Variants in ITGA6 observed in about 807,000 individuals in gnomAD.
ITGA6 encodes integrin subunit alpha 6.
Under a neutral mutation model 133.6 loss-of-function variants are expected in ITGA6, and 63 were observed. That is an observed-to-expected ratio of 0.47 (90% CI 0.38 to 0.58). The LOEUF (loss-of-function observed/expected upper bound fraction) is 0.58. Among genes scored for constraint, ITGA6 ranks in the 20% least tolerant of loss-of-function variants. The probability of loss-of-function intolerance (pLI) is 0.00; values close to 1 mark genes in which losing one functional copy is unlikely to be tolerated. For missense variants in ITGA6, 1,068 were observed against 1,309.4 expected (o/e 0.82, Z 2.85); for synonymous variants, 434 against 482.0 (o/e 0.90, Z 1.30).
intron 5 of ITGA6, chr2:172,472,771 C>T: frequency 6.3e-7 from 1 of 1,590,854 alleles, no homozygotes; most frequent in Non-Finnish European, 8.6e-7. Flanking sequence ...TGCATGCGTA[C>T]AGGCCTGCTG....
At chr2:172,473,770 T>C (rs1686044927) in intron 5 of ITGA6, among the ~76,000 whole-genome samples, 1 of 152,224 alleles carries the variant, frequency 6.6e-6, no homozygotes, top group African/African-American at 2.4e-5. Context: ...GGGTGGAAAT[T>C]GATTCTTAAG....
chr2:172,440,230 T>C (rs1684485190), intron 1 of ITGA6, among the ~76,000 whole-genome samples: 1 of 152,224 alleles, frequency 6.6e-6, no homozygotes, highest in African/African-American at 2.4e-5. Flanking sequence ...GGCTGACATC[T>C]TGTTCAGTTT....
At chr2:172,436,189 CT>C (rs990860416) in intron 1 of ITGA6, among the ~76,000 whole-genome samples, 10 of 152,124 alleles carry the variant, frequency 6.6e-5, no homozygotes, top group African/African-American at 2.4e-4. Context: ...ACTGCTGGGC[CT>C]TTTAGAGGCT....
At chr2:172,463,851 TCCCA>T (rs1685535321) in intron 1 of ITGA6, among the ~76,000 whole-genome samples, 1 of 152,164 alleles carries the variant, frequency 6.6e-6, no homozygotes, top group Non-Finnish European at 1.5e-5. Flanking sequence ...GCAGTTCACC[TCCCA>T]GGTACTTGTT....
Position 172,467,473 on chromosome 2 carries a change from T to C in ITGA6, c.308-8T>C. ...CACTTGGAAGGCTAACTATGCTCCT[T>C]TCTACAGCTGACCCCACGTCAGAAA... On this transcript the variant is annotated splice_polypyrimidine_tract_variant and splice_region_variant and intron_variant, in intron 2 of 25. Transcript: ENST00000684293. 1 of 1,612,064 alleles carries C rather than the reference T, an allele frequency of 6.2e-7. No homozygotes were observed. The highest frequency in any genetic ancestry group is 8.5e-7 in the Non-Finnish European group (1 of 1,178,308).
chr2:172,461,443 G>A (rs1450232661), intron 1 of ITGA6, among the ~76,000 whole-genome samples: 3 of 152,124 alleles, frequency 2.0e-5, no homozygotes, highest in Non-Finnish European at 4.4e-5. Context: ...TGCCTTGACC[G>A]CATATGGGAA....
At chr2:172,441,652 T>C (rs1439263438) in intron 1 of ITGA6, among the ~76,000 whole-genome samples, 44 of 149,776 alleles carry the variant, frequency 2.9e-4, no homozygotes, top group Admixed American at 2.7e-3. Flanking sequence ...AGTAGACACA[T>C]TCTAGTAATA....
At chr2:172,467,703 C>T in intron 3 of ITGA6, 143 bp downstream of exon 3, 1 of 703,200 alleles carries the variant, frequency 1.4e-6, no homozygotes, top group African/African-American at 1.7e-5. Flanking sequence ...AAAAAGAAAT[C>T]AGACTGGGCG....
chr2:172,482,764 A>G (rs899854903), intron 11 of ITGA6, among the ~76,000 whole-genome samples: 1 of 152,240 alleles, frequency 6.6e-6, no homozygotes, highest in Non-Finnish European at 1.5e-5. Flanking sequence ...CAGCTGTGAC[A>G]TTTAAGAATT....
chr2:172,503,958 A>G (rs898031648), intron 25 of ITGA6, 133 bp from the exon 26 acceptor site: 14 of 610,476 alleles, frequency 2.3e-5, no homozygotes, highest in African/African-American at 5.8e-5. Flanking sequence ...TTCTTTCTTA[A>G]AAGAAAACCA....
In ITGA6 at chr2:172,487,401, C is replaced by G. The variant is rs778476508; in HGVS notation, c.2108C>G (p.Thr703Arg). ...DDAHEAKLIATFPDTLTYSAY... is the reference protein window; with the variant it reads ...DDAHEAKLIARFPDTLTYSAY... ...GCCCATGAGGCTAAACTGATTGCAA[C>G]GTTTCCAGACACTTTAACCTATTCT... The change falls in exon 15 of 26, where the codon ACG (threonine) becomes AGG (arginine). Residue 703 changes from threonine to arginine, a missense_variant. Around this residue, in one of 3 missense-constraint regions of ITGA6, gnomAD observed 609 missense variants for 707.2 expected, o/e 0.86. Coordinates refer to ENST00000684293, the MANE Select transcript of ITGA6 (RefSeq NM_000210.4). 7.4e-6 allele frequency: 12 copies of G among 1,614,150 alleles called. No individual in the cohort carries two copies. Among genetic ancestry groups the G allele is most frequent in the Non-Finnish European group, 6.8e-6 (8 of 1,179,990 alleles).
At chr2:172,500,332 G>A (rs996807344) in intron 24 of ITGA6, among the ~76,000 whole-genome samples, 5 of 152,158 alleles carry the variant, frequency 3.3e-5, no homozygotes, top group African/African-American at 7.2e-5. Flanking sequence ...AATGTTGCTG[G>A]CTGGGCGCGG....
intron 25 of ITGA6, 83 bp downstream of exon 25, chr2:172,501,984 T>G (rs1255809682): frequency 4.9e-6 from 6 of 1,219,600 alleles, no homozygotes; most frequent in Non-Finnish European, 5.8e-6. Context: ...CAGCTTGCTA[T>G]GTGTGTCCCA....
At chr2:172,469,668 G>C (rs1241354046) in intron 4 of ITGA6, among the ~76,000 whole-genome samples, 1 of 151,960 alleles carries the variant, frequency 6.6e-6, no homozygotes, top group Non-Finnish European at 1.5e-5. Flanking sequence ...TGCTGTTTTA[G>C]ATTTGTGCGA....
intron 1 of ITGA6, among the ~76,000 whole-genome samples, chr2:172,447,030 T>A (rs1386853631): frequency 2.0e-5 from 3 of 152,070 alleles, no homozygotes; most frequent in African/African-American, 7.2e-5. Context: ...CTGAAGTAGC[T>A]GGGATTACAG....
chr2:172,475,255 G>A (rs996513360), intron 7 of ITGA6, 133 bp downstream of exon 7: 5 of 707,078 alleles, frequency 7.1e-6, no homozygotes, highest in African/African-American at 1.8e-5. Context: ...ATCACCTGAG[G>A]TCGGGAGTTC....
chr2:172,485,721 T>A (rs529341903), intron 13 of ITGA6, among the ~76,000 whole-genome samples: 1 of 152,324 alleles, frequency 6.6e-6, no homozygotes, highest in Admixed American at 6.5e-5. Context: ...GTGCCTAATA[T>A]AGCCTAAGTC....
At chr2:172,502,078 T>G (rs1039454452) in intron 25 of ITGA6, among the ~76,000 whole-genome samples, 177 bp downstream of exon 25, 1 of 151,908 alleles carries the variant, frequency 6.6e-6, no homozygotes, top group Non-Finnish European at 1.5e-5. Flanking sequence ...TCAGTTTTTG[T>G]TTTTTTTAAT....
intron 1 of ITGA6, among the ~76,000 whole-genome samples, chr2:172,436,452 G>A (rs1304742902): frequency 6.6e-6 from 1 of 152,214 alleles, no homozygotes; most frequent in Non-Finnish European, 1.5e-5. Context: ...GAGGCGTTGT[G>A]AGGATCCTCA....
Sources: allele counts gnomAD v4.1 joint callset (sites outside exome capture counted in the v4.1 genomes callset), GRCh38; gene constraint gnomAD v4.1.1; regional missense constraint gnomAD v4.1.1; transcripts MANE v1.5; gene names NCBI Gene and HGNC (gene_info 2026-07-23, HGNC 2026-07-21).